BCAS3: variants seen among roughly 807,000 people sequenced by gnomAD.
BCAS3 encodes BCAS4/BCAS3 fusion.
BCAS3 carries 53 observed loss-of-function variants against 116.1 expected under a neutral mutation model. The observed-to-expected ratio is 0.46, with a 90% CI of 0.37 to 0.57. The LOEUF (loss-of-function observed/expected upper bound fraction) is 0.57. Ranked by LOEUF, BCAS3 falls within the 20% of genes least tolerant of loss-of-function variation. The pLI, the probability that BCAS3 is intolerant of heterozygous loss-of-function variation, is 0.00. For missense variants in BCAS3, 917 were observed against 1,165.4 expected, an observed-to-expected ratio of 0.79 and a Z score of 3.10; for synonymous variants, 391 against 408.2, an observed-to-expected ratio of 0.96 and a Z score of 0.51.
chr17:61,038,039 G>T lies in BCAS3; in HGVS notation c.1913G>T (p.Ser638Ile), dbSNP rs763250295. 1.9e-6 allele frequency: 3 copies of T among 1,614,002 alleles called. 1 individual carries two copies. The South Asian group carries it at 3.3e-5, about 18-fold the overall frequency. ...PLEMMTSPRA[S>I]WTLVRTPQWN... ...GAAATGATGACATCGCCTCGAGCCA[G>T]CTGGACTCTGGTTAGGTAGTACCTC... Residue 638 changes from serine to isoleucine, a missense_variant, in exon 18 of 24, where the codon AGC becomes ATC. Transcript: ENST00000407086.
rs1256830779 is a variant in BCAS3 at position 61,023,867 on chromosome 17, C to A, written c.1637+7966C>A. 2.0e-5 allele frequency among the ~76,000 whole-genome samples: 3 copies of A among 151,952 alleles called. No individual in the cohort carries two copies. The highest frequency in any genetic ancestry group is 4.4e-5 in the Non-Finnish European group (3 of 67,978). On this transcript the variant is annotated intron_variant, in intron 16 of 23. Transcript: ENST00000407086. The surrounding 1 kb of genome is among the most constrained non-coding windows in gnomAD (Gnocchi z 4.8). ...CAGGTCAAAAAGGATATAATTATGACAAATTGAGTAGGTTTTATATGGCAT... is the reference window on the plus strand; with the variant it reads ...CAGGTCAAAAAGGATATAATTATGAAAAATTGAGTAGGTTTTATATGGCAT...
chr17:61,018,290 G>GTTT lies in BCAS3; in HGVS notation c.1637+2416_1637+2418dup, dbSNP rs10570881. On this transcript the variant is annotated intron_variant, in intron 16 of 23. Transcript: ENST00000407086. ...AATTCTTGTCTACCCAAATTCCCCAGTTTTTTTTTTTTTTTTTTTTTTTTT... is the reference window on the plus strand; with the variant it reads ...AATTCTTGTCTACCCAAATTCCCCAGTTTTTTTTTTTTTTTTTTTTTTTTTTTT... Among the ~76,000 whole-genome samples the GTTT allele has an allele frequency of 1.7e-3, 139 of 83,062 alleles. 6 individuals are homozygous for GTTT. The highest frequency in any genetic ancestry group is 2.7e-3 in the East Asian group (6 of 2,238). The allele number at this position is 83,062 out of a possible 152,430, so 54.5% of individuals were successfully genotyped here. A position where few individuals can be genotyped will look rare whatever the true frequency, so the allele number is the denominator to read the frequency against.
intron 22 of BCAS3, among the ~76,000 whole-genome samples, chr17:61,146,273 A>ATT (rs112303266): frequency 1.3e-4 from 18 of 137,698 alleles, no homozygotes; most frequent in Admixed American, 2.9e-4. Flanking sequence ...CACCCAGCTG[A>ATT]TTTTTTTTTT....
intron 6 of BCAS3, among the ~76,000 whole-genome samples, chr17:60,772,785 A>G (rs544420506): frequency 6.6e-6 from 1 of 152,272 alleles, no homozygotes; most frequent in South Asian, 2.1e-4. Flanking sequence ...AGGCAGGAGA[A>G]TCGCTTGAAC....
Position 61,325,968 on chromosome 17 carries a change from G to T in BCAS3, c.2426-42359G>T, listed in dbSNP as rs979293971. ...TCGGCAGAGAACAGAGTGAAAAATC[G>T]TGTTGTCATACATTACTAAGCACCC... is the stretch of plus-strand genomic sequence containing the variant. On this transcript the variant is annotated intron_variant, in intron 22 of 23. Transcript: ENST00000407086. The surrounding 1 kb of genome is among the most constrained non-coding windows in gnomAD (Gnocchi z 6.4). Among the ~76,000 whole-genome samples, 1 of 152,152 alleles carries T rather than the reference G, an allele frequency of 6.6e-6. No homozygotes were observed. Among genetic ancestry groups the T allele is most frequent in the Non-Finnish European group, 1.5e-5 (1 of 68,028 alleles).
intron 22 of BCAS3, among the ~76,000 whole-genome samples, chr17:61,234,796 A>G (rs1443554944): frequency 6.6e-6 from 1 of 152,126 alleles, no homozygotes; most frequent in Non-Finnish European, 1.5e-5. Context: ...AAAAAAAAAA[A>G]AAAAAAAATC....
intron 22 of BCAS3, among the ~76,000 whole-genome samples, chr17:61,263,965 T>C (rs905045392): frequency 1.3e-5 from 2 of 152,202 alleles, no homozygotes; most frequent in African/African-American, 4.8e-5. Flanking sequence ...AAGGGTTGGA[T>C]ACTCATACAC....
rs2080777623 is a variant in BCAS3 at position 61,200,894 on chromosome 17, C to A, written c.2425+116330C>A. 6.6e-6 allele frequency among the ~76,000 whole-genome samples: 1 copy of A among 152,072 alleles called. No individual in the cohort carries two copies. The highest frequency in any genetic ancestry group is 1.5e-5 in the Non-Finnish European group (1 of 68,014). On this transcript the variant is annotated intron_variant, in intron 22 of 23. Coordinates refer to ENST00000407086, the MANE Select transcript of BCAS3 (RefSeq NM_017679.5). This position sits in a 1 kb window ranked among gnomAD's most constrained non-coding sequence, Gnocchi z 5.1. Reference sequence around the variant, plus strand: ...CAGTCTCCATTAGAAATAATAAAAACCCTCATAGGATTTTAAAGCCAAGTT... The same window carrying A: ...CAGTCTCCATTAGAAATAATAAAAAACCTCATAGGATTTTAAAGCCAAGTT...
At position 61,220,229 on chromosome 17, in the gene BCAS3, G is replaced by A. The variant is rs1251570548; in HGVS notation, c.2425+135665G>A. Among the ~76,000 whole-genome samples, 3 of 152,142 alleles carry A rather than the reference G, an allele frequency of 2.0e-5. No homozygotes were observed. Among genetic ancestry groups the A allele is most frequent in the Non-Finnish European group, 4.4e-5 (3 of 68,034 alleles). On this transcript the variant is annotated intron_variant, in intron 22 of 23. Transcript: ENST00000407086. This position sits in a 1 kb window ranked among gnomAD's most constrained non-coding sequence, Gnocchi z 4.5. ...GAGTCGCTTGAATCTGGGAGGCAGA[G>A]GTTGCAGTGAGCCAAGATTGTGCCA...
In BCAS3 at chr17:61,387,784, G is replaced by A. The variant is rs1368412787; in HGVS notation, c.2594-4193G>A. Among the ~76,000 whole-genome samples the A allele has an allele frequency of 6.6e-6, 1 of 152,202 alleles. No homozygotes were observed. Among genetic ancestry groups the A allele is most frequent in the Non-Finnish European group, 1.5e-5 (1 of 68,038 alleles). On this transcript the variant is annotated intron_variant, in intron 23 of 23. Coordinates refer to ENST00000407086, the MANE Select transcript of BCAS3 (RefSeq NM_017679.5). The surrounding 1 kb of genome is among the most constrained non-coding windows in gnomAD (Gnocchi z 6.2). Reference sequence around the variant, plus strand: ...CTTTCTTGGGGGATGGGGGTGGGAGGTGAAGAACCAGAGCTAGTGGTTGCT... The same window carrying A: ...CTTTCTTGGGGGATGGGGGTGGGAGATGAAGAACCAGAGCTAGTGGTTGCT...
chr17:60,763,089 T>C (rs1429504653), intron 6 of BCAS3, among the ~76,000 whole-genome samples: 2 of 152,190 alleles, frequency 1.3e-5, no homozygotes, highest in Non-Finnish European at 2.9e-5. Flanking sequence ...CTTAAGGAGA[T>C]TTTGGGCTGA....
chr17:60,911,848 A>G (rs190615673), intron 12 of BCAS3, among the ~76,000 whole-genome samples: 2 of 152,338 alleles, frequency 1.3e-5, no homozygotes, highest in Admixed American at 1.3e-4. Flanking sequence ...TTTATAACAG[A>G]TGTTTTCTTA....
intron 7 of BCAS3, among the ~76,000 whole-genome samples, chr17:60,828,776 A>G (rs1484434298): frequency 6.6e-6 from 1 of 152,118 alleles, no homozygotes; most frequent in African/African-American, 2.4e-5. Flanking sequence ...TGTTCTTTCA[A>G]GACATGTTTA....
intron 15 of BCAS3, among the ~76,000 whole-genome samples, chr17:60,999,217 T>A (rs941019642): frequency 6.6e-6 from 1 of 152,180 alleles, no homozygotes; most frequent in Non-Finnish European, 1.5e-5. Flanking sequence ...CCTGTTTTTG[T>A]TACCATAGCC....
chr17:61,235,051 C>G lies in BCAS3; in HGVS notation c.2426-133276C>G, dbSNP rs1478490271. On this transcript the variant is annotated intron_variant, in intron 22 of 23. Coordinates refer to ENST00000407086, the MANE Select transcript of BCAS3 (RefSeq NM_017679.5). This position sits in a 1 kb window ranked among gnomAD's most constrained non-coding sequence, Gnocchi z 5.0. ...TATAGGCGCACGCCACCACTCCTGG[C>G]TAAGTTTTGTATTTTAGTAGAGACA... is the stretch of plus-strand genomic sequence containing the variant. 6.6e-6 allele frequency among the ~76,000 whole-genome samples: 1 copy of G among 152,102 alleles called. No individual in the cohort carries two copies. The highest frequency in any genetic ancestry group is 1.5e-5 in the Non-Finnish European group (1 of 68,030).
rs2067141110 is a variant in BCAS3 at position 61,037,627 on chromosome 17, C to A, written c.1763-262C>A. On this transcript the variant is annotated intron_variant, in intron 17 of 23. Coordinates refer to ENST00000407086, the MANE Select transcript of BCAS3 (RefSeq NM_017679.5). This position sits in a 1 kb window ranked among gnomAD's most constrained non-coding sequence, Gnocchi z 4.7. Reference sequence around the variant, plus strand: ...TCTCTACTAAAAATACAAAAATTAGCCGGGTGTGGTGACAGGAGCCTGTAA... The same window carrying A: ...TCTCTACTAAAAATACAAAAATTAGACGGGTGTGGTGACAGGAGCCTGTAA... Among the ~76,000 whole-genome samples the A allele has an allele frequency of 6.6e-6, 1 of 152,098 alleles. No individual in the cohort carries two copies. Among genetic ancestry groups the A allele is most frequent in the African/African-American group, 2.4e-5 (1 of 41,400 alleles).
In BCAS3 at chr17:61,008,923, AG is replaced by A. The variant is rs1027990329; in HGVS notation, c.1487-6827del. On this transcript the variant is annotated intron_variant, in intron 15 of 23. Coordinates refer to ENST00000407086, the MANE Select transcript of BCAS3 (RefSeq NM_017679.5). This position sits in a 1 kb window ranked among gnomAD's most constrained non-coding sequence, Gnocchi z 4.6. ...TTGACCTCGGGCTTCAGTGTGGCTC[AG>A]TAATCCGATTTCAAAATGCAAGAGT... Among the ~76,000 whole-genome samples the A allele has an allele frequency of 2.0e-5, 3 of 152,038 alleles. No individual in the cohort carries two copies. Among genetic ancestry groups the A allele is most frequent in the African/African-American group, 7.2e-5 (3 of 41,420 alleles).
In BCAS3 at chr17:61,380,593, C is replaced by T. The variant is rs186996640; in HGVS notation, c.2594-11384C>T. On this transcript the variant is annotated intron_variant, in intron 23 of 23. Coordinates refer to ENST00000407086, the MANE Select transcript of BCAS3 (RefSeq NM_017679.5). This position sits in a 1 kb window ranked among gnomAD's most constrained non-coding sequence, Gnocchi z 4.2. ...TTTGGTATGTAACGTCCTATCTTTG[C>T]CTATGTGGAAGGGGTTGTCCCGTTG... 1.4e-3 allele frequency: 2,276 copies of T among 1,593,352 alleles called. 4 individuals are homozygous for T. Among genetic ancestry groups the T allele is most frequent in the Admixed American group, 2.6e-3 (153 of 59,950 alleles).
chr17:61,365,053 G>A lies in BCAS3; in HGVS notation c.2426-3274G>A, dbSNP rs1180282401. The stretch of plus-strand genomic sequence containing the variant: ...GTCAGGTCTTTTACATTTATCTACT[G>A]CAGTCCTCACAACAATCCTATGTGG... On this transcript the variant is annotated intron_variant, in intron 22 of 23. Transcript: ENST00000407086. This position sits in a 1 kb window ranked among gnomAD's most constrained non-coding sequence, Gnocchi z 4.6. 6.6e-6 allele frequency among the ~76,000 whole-genome samples: 1 copy of A among 152,130 alleles called. No homozygotes were observed. The highest frequency in any genetic ancestry group is 1.5e-5 in the Non-Finnish European group (1 of 68,026).
Sources: allele counts gnomAD v4.1 joint callset (sites outside exome capture counted in the v4.1 genomes callset), GRCh38; gene constraint gnomAD v4.1.1; non-coding constraint Gnocchi (gnomAD v3.1); transcripts MANE v1.5; gene names NCBI Gene and HGNC (gene_info 2026-07-23, HGNC 2026-07-21).